Variants in SLC16A4 observed in about 807,000 individuals in gnomAD.
The protein encoded by SLC16A4 is solute carrier family 16 member 4, also known as probable monocarboxylate transporter 5.
Under a neutral mutation model 47.9 loss-of-function variants are expected in SLC16A4, and 39 were observed. That is an observed-to-expected ratio of 0.81 (90% CI 0.63 to 1.06). SLC16A4 has a LOEUF of 1.06. Ranked by LOEUF, SLC16A4 falls within the 50% of genes least tolerant of loss-of-function variation. The probability of loss-of-function intolerance (pLI) is 0.00; values close to 1 mark genes in which losing one functional copy is unlikely to be tolerated. For missense variants in SLC16A4, 524 were observed against 573.8 expected, an observed-to-expected ratio of 0.91 and a Z score of 0.89; for synonymous variants, 189 against 199.9, an observed-to-expected ratio of 0.95 and a Z score of 0.46.
chr1:110,378,623 A>G (rs751090733), intron 6 of SLC16A4, among the ~76,000 whole-genome samples: 1 of 152,194 alleles, frequency 6.6e-6, no homozygotes, highest in Admixed American at 6.5e-5. Flanking sequence ...ATGAAGATGA[A>G]TAAGACTTGA....
chr1:110,375,538 C>T lies in SLC16A4; in HGVS notation c.1256G>A (p.Arg419Lys), dbSNP rs750236953. The change falls in exon 8 of 9, where the codon AGG becomes AAG. Residue 419 changes from arginine (R) to lysine (K), a missense_variant. Transcript: ENST00000369779. ...CAAAAACCTGTTTACTGTAGAATTCCTACACAGATCAACCTGTAGGAATTA... is the reference window on the plus strand; with the variant it reads ...CAAAAACCTGTTTACTGTAGAATTCTTACACAGATCAACCTGTAGGAATTA... ...LILPVLVDLC[R>K]NSTVNRFLGL... 1.2e-6 allele frequency: 2 copies of T among 1,602,778 alleles called. No individual in the cohort carries two copies. The highest frequency in any genetic ancestry group is 8.5e-7 in the Non-Finnish European group (1 of 1,169,842).
chr1:110,375,975 G>C (rs2101021200), intron 7 of SLC16A4, among the ~76,000 whole-genome samples: 1 of 152,148 alleles, frequency 6.6e-6, no homozygotes, highest in African/African-American at 2.4e-5. Context: ...CACCTCCCAG[G>C]CTCAAGCGAT....
rs1661211907 is a variant in SLC16A4, at chr1:110,363,807, A to G, written c.1423T>C (p.Phe475Leu). 6.2e-7 allele frequency: 1 copy of G among 1,612,458 alleles called. No homozygotes were observed. Among genetic ancestry groups the G allele is most frequent in the African/African-American group, 1.3e-5 (1 of 74,916 alleles). The change falls in exon 9 of 9, where the codon TTT (phenylalanine) becomes CTT (leucine). Residue 475 changes from phenylalanine to leucine, a missense_variant. By Grantham distance (22) the Phe-to-Leu change is conservative. Transcript: ENST00000369779. ...CYLLSSVSFF[F>L]VPLAERWKNS... ...TTCCATCTTTCGGCCAATGGTACAA[A>G]AAAAAAGGAAACTGAAGAGAGGAGA...
At chr1:110,367,514 T>C (rs1661456694) in intron 8 of SLC16A4, among the ~76,000 whole-genome samples, 2 of 151,736 alleles carry the variant, frequency 1.3e-5, no homozygotes, top group Non-Finnish European at 2.9e-5. Context: ...TAGAAAAATA[T>C]TGGAAAAGAA....
At chr1:110,385,657 T>TC (rs774683057) in intron 2 of SLC16A4, among the ~76,000 whole-genome samples, 2 of 152,182 alleles carry the variant, frequency 1.3e-5, no homozygotes, top group Non-Finnish European at 2.9e-5. Flanking sequence ...CCCCTTCTTT[T>TC]CACCCCATCA....
At chr1:110,373,677 T>A (rs1661806711) in intron 8 of SLC16A4, among the ~76,000 whole-genome samples, 1 of 134,756 alleles carries the variant, frequency 7.4e-6, no homozygotes, top group Admixed American at 7.4e-5. Context: ...CCAGTAATAA[T>A]TTTTTTTTTT....
chr1:110,373,085 A>G (rs1202865087), intron 8 of SLC16A4: 1 of 152,178 alleles, frequency 6.6e-6, no homozygotes, highest in African/African-American at 2.4e-5. Flanking sequence ...ACTCACATAT[A>G]TACCTGTAGC....
intron 8 of SLC16A4, chr1:110,371,816 G>T (rs1457568182): frequency 1.3e-5 from 2 of 152,190 alleles, no homozygotes; most frequent in African/African-American, 4.8e-5. Context: ...TTGTCACTGA[G>T]TATTGGAATA....
chr1:110,382,858 T>C lies in SLC16A4; in HGVS notation c.196A>G (p.Met66Val), dbSNP rs1662486907. ...CCTGCACAAAAACGAAGAGATGACATGATGGATCCAATCCAACCAATTTGC... is the reference window on the plus strand; with the variant it reads ...CCTGCACAAAAACGAAGAGATGACACGATGGATCCAATCCAACCAATTTGC... Reference protein sequence around the residue: ...SEQIGWIGSIMSSLRFCAGPL... With the variant: ...SEQIGWIGSIVSSLRFCAGPL... The change falls in exon 3 of 9, where the codon ATG becomes GTG. Residue 66 changes from methionine (M) to valine (V), a missense_variant. Transcript: ENST00000369779. 2 of 1,609,040 alleles carry C rather than the reference T, an allele frequency of 1.2e-6. No homozygotes were observed. The highest frequency in any genetic ancestry group is 1.1e-5 in the South Asian group (1 of 90,588).
In SLC16A4 at chr1:110,379,202, T is replaced by C. The variant is rs145730319; in HGVS notation, c.681A>G (p.Thr227=). Residue 227 remains threonine, a synonymous_variant, in exon 6 of 9, where the codon ACA becomes ACG. Transcript: ENST00000369779. ...TAGACTCTTCTGTCTCATGGCAGTGTGTTTCTGTTGCATGTGCCTCTGGAC... is the reference window on the plus strand; with the variant it reads ...TAGACTCTTCTGTCTCATGGCAGTGCGTTTCTGTTGCATGTGCCTCTGGAC... ...AHGPEAHATE[T]HCHETEESTI... The C allele has an allele frequency of 5.3e-3, 8,544 of 1,614,206 alleles. 39 individuals carry two copies. The highest frequency in any genetic ancestry group is 0.016 in the Middle Eastern group (99 of 6,062).
chr1:110,364,729 T>G (rs1480165990), intron 8 of SLC16A4, among the ~76,000 whole-genome samples: 1 of 152,090 alleles, frequency 6.6e-6, no homozygotes, highest in African/African-American at 2.4e-5. Flanking sequence ...CAGGGTGGTC[T>G]TGAACTCCTG....
Position 110,381,789 on chromosome 1 carries a change from AG to A in SLC16A4, c.226del (p.Leu76TrpfsTer27), listed in dbSNP as rs1401301554. 2.5e-6 allele frequency: 4 copies of A among 1,612,416 alleles called. No homozygotes were observed. The African/African-American group carries it at 5.3e-5, about 22-fold the overall frequency. On this transcript the variant is annotated frameshift_variant, in exon 4 of 9. Transcript: ENST00000369779. LOFTEE classifies it high-confidence loss of function. ...AAGTATGTCACAAATAATAGCAACC[AG>A]GGGACCTTAAGAGAAGAAAGAAAGG... ...MSSLRFCAGP[L>X]VAIICDILGE...
chr1:110,366,083 C>T (rs563126510), intron 8 of SLC16A4, among the ~76,000 whole-genome samples: 175 of 151,294 alleles, frequency 1.2e-3, no homozygotes, highest in African/African-American at 4.2e-3. Context: ...GCCATCATGC[C>T]GACCAAGCCT....
At chr1:110,375,873 A>G (rs1407312070) in intron 7 of SLC16A4, among the ~76,000 whole-genome samples, 2 of 152,168 alleles carry the variant, frequency 1.3e-5, no homozygotes, top group South Asian at 2.1e-4. Flanking sequence ...TATTTACAAT[A>G]TGAATTAATA....
At chr1:110,377,788 T>C (rs1038690379) in intron 6 of SLC16A4, among the ~76,000 whole-genome samples, 5 of 152,142 alleles carry the variant, frequency 3.3e-5, no homozygotes, top group African/African-American at 1.2e-4. Flanking sequence ...GTTTTATGAG[T>C]AGTCAACTAA....
chr1:110,363,647 G>GT lies in SLC16A4; in HGVS notation c.*118dup. 1 of 674,946 alleles carries GT rather than the reference G, an allele frequency of 1.5e-6. No individual in the cohort carries two copies. The allele number at this position is 674,946 out of a possible 1,614,324, so 41.8% of individuals were successfully genotyped here. On this transcript the variant is annotated 3_prime_UTR_variant, in exon 9 of 9. Transcript: ENST00000369779. ...TCTCAAAAAAAAAAAAAAAAAAATT[G>GT]TTTTCCTTCTCATGTTACAAATGTA...
chr1:110,376,908 T>C (rs1380051459), intron 7 of SLC16A4, 42 bp downstream of exon 7: 1 of 1,507,372 alleles, frequency 6.6e-7, no homozygotes. Flanking sequence ...ATACTTGCTT[T>C]TACTAAATGG....
intron 2 of SLC16A4, among the ~76,000 whole-genome samples, chr1:110,384,664 C>T (rs1206002715): frequency 6.6e-6 from 1 of 152,182 alleles, no homozygotes; most frequent in African/African-American, 2.4e-5. Context: ...GGTTTCGTAG[C>T]GTTGGCTTTT....
rs377303838 is a variant in SLC16A4 at position 110,389,330 on chromosome 1, T to C, written c.-7A>G. ...TCCCCTCCCTCTTCAGCATGATGCC[T>C]CTTCTATTTTAAATGCAGAAGATCC... On this transcript the variant is annotated 5_prime_UTR_variant, in exon 2 of 9. Coordinates refer to ENST00000369779, the MANE Select transcript of SLC16A4 (RefSeq NM_004696.3). 8 of 1,599,678 alleles carry C rather than the reference T, an allele frequency of 5.0e-6. No individual in the cohort carries two copies. Among genetic ancestry groups the C allele is most frequent in the Non-Finnish European group, 6.9e-6 (8 of 1,167,014 alleles).
Sources: gnomAD v4.1 joint callset for allele counts (sites outside exome capture counted in the v4.1 genomes callset) on GRCh38, gnomAD v4.1.1 for gene constraint, MANE v1.5 for transcripts, NCBI Gene and HGNC (gene_info 2026-07-23, HGNC 2026-07-21) for gene names.